AQP4: variants seen among roughly 807,000 people sequenced by gnomAD.
The protein encoded by AQP4 is aquaporin-4.
Under a neutral mutation model 27.8 loss-of-function variants are expected in AQP4, and 18 were observed. The ratio of observed to expected loss-of-function variants is 0.65; its 90% CI spans 0.45 to 0.96. The LOEUF (loss-of-function observed/expected upper bound fraction) is 0.96, where lower values mean the gene tolerates loss of function less well. AQP4 is among the 40% of genes least tolerant of loss of function. The pLI is 0.00. For synonymous variants in AQP4, 141 were observed against 142.9 expected (o/e 0.99, Z 0.10); for missense variants, 412 against 408.2 (o/e 1.01, Z -0.08).
chr18:26,864,744 A>T (rs2055025652), intron 1 of AQP4, among the ~76,000 whole-genome samples: 2 of 152,108 alleles, frequency 1.3e-5, no homozygotes, highest in Non-Finnish European at 2.9e-5. Context: ...GGGGAGAAGG[A>T]GGAGGACAAA....
In AQP4 at chr18:26,861,167, T is replaced by C. The variant is rs2054935078; in HGVS notation, c.576A>G (p.Ala192=). ...GTCCAATTGCAACAGAAAATCCAAT[T>C]GCTAAAGCTATTGAGCCAGTGACAT... is the stretch of plus-strand genomic sequence containing the variant. ...RTDVTGSIAL[A]IGFSVAIGHL... is the part of the protein sequence containing the mutation. The change falls in exon 3 of 5, where the codon GCA becomes GCG. Residue 192 remains alanine (A), a synonymous_variant. Coordinates refer to ENST00000383168, the MANE Select transcript of AQP4 (RefSeq NM_001650.7). The C allele has an allele frequency of 2.5e-6, 4 of 1,614,014 alleles. 1 individual carries two copies. In the South Asian group the frequency reaches 4.4e-5, roughly 18 times the overall value.
intron 1 of AQP4, chr18:26,862,809 C>G (rs901034914): frequency 3.1e-6 from 2 of 638,512 alleles, no homozygotes; most frequent in African/African-American, 3.7e-5. Flanking sequence ...CAAAGATCAT[C>G]CAGTTTCACG....
Position 26,860,831 on chromosome 18 carries a change from T to C in AQP4, c.634A>G (p.Met212Val). 1.2e-6 allele frequency: 2 copies of C among 1,614,108 alleles called. No individual in the cohort carries two copies. Residue 212 changes from methionine to valine, a missense_variant, in exon 4 of 5, where the codon ATG (methionine) becomes GTG (valine). Transcript: ENST00000383168. ...GGTCCAAAGGATCGGGCGGGATTCA[T>C]GCTGGCACCAGTATAATTGATCTAT... is the stretch of plus-strand genomic sequence containing the variant. Reference protein sequence around the residue: ...LFAINYTGASMNPARSFGPAV... With the variant: ...LFAINYTGASVNPARSFGPAV...
chr18:26,857,752 G>T (rs184447110), intron 4 of AQP4, among the ~76,000 whole-genome samples: 214 of 152,328 alleles, frequency 1.4e-3, no homozygotes, highest in African/African-American at 5.0e-3. Context: ...AGACGCACTT[G>T]GGCAACAGAA....
In AQP4 at chr18:26,861,118, C is replaced by A. The variant is rs1460982087; in HGVS notation, c.612+13G>T. The stretch of plus-strand genomic sequence containing the variant: ...AGGTGGGATTGATTATTTAAATGGA[C>A]TTGGAAACTTACTGCAAATAAATGT... On this transcript the variant is annotated intron_variant, in intron 3 of 4. Coordinates refer to ENST00000383168, the MANE Select transcript of AQP4 (RefSeq NM_001650.7). 2 of 1,613,632 alleles carry A rather than the reference C, an allele frequency of 1.2e-6. No homozygotes were observed. The highest frequency in any genetic ancestry group is 2.7e-5 in the African/African-American group (2 of 74,846).
intron 4 of AQP4, among the ~76,000 whole-genome samples, chr18:26,857,234 C>T (rs1209837857): frequency 6.6e-6 from 1 of 152,046 alleles, no homozygotes; most frequent in Admixed American, 6.5e-5. Context: ...CTATGCGGTT[C>T]TCACGATGGC....
intron 1 of AQP4, chr18:26,862,993 G>T (rs2054982559): frequency 2.5e-5 from 3 of 118,456 alleles, no homozygotes; most frequent in East Asian, 2.3e-4. Context: ...AACAAGGTGT[G>T]CGTGGGGGGG....
rs73945976 is a variant in AQP4, at chr18:26,854,566, C to G, written c.*1645G>C. 0.031 allele frequency: 4,727 copies of G among 152,662 alleles called. 97 individuals carry two copies. Among genetic ancestry groups the G allele is most frequent in the South Asian group, 0.098 (473 of 4,818 alleles). 9.5% of individuals were successfully genotyped at this position (152,662 alleles called of 1,614,324 possible). ...TGGTGTGACGACTCTCTGGGAATCT[C>G]ACACATCACTCTTTCCTAGCACCGA... On this transcript the variant is annotated 3_prime_UTR_variant, in exon 5 of 5. Coordinates refer to ENST00000383168, the MANE Select transcript of AQP4 (RefSeq NM_001650.7).
chr18:26,859,936 A>G (rs1406263264), intron 4 of AQP4, among the ~76,000 whole-genome samples: 2 of 152,230 alleles, frequency 1.3e-5, no homozygotes, highest in Non-Finnish European at 2.9e-5. Context: ...GCTGGCTTAC[A>G]GGTCTCATAT....
intron 4 of AQP4, among the ~76,000 whole-genome samples, chr18:26,859,790 T>C (rs2054907216): frequency 6.6e-6 from 1 of 152,214 alleles, no homozygotes; most frequent in South Asian, 2.1e-4. Flanking sequence ...ACACCATAGA[T>C]GAATGGCTGT....
chr18:26,863,994 T>TG (rs56027623), intron 1 of AQP4, among the ~76,000 whole-genome samples: 5,284 of 146,016 alleles, frequency 0.036, 93 homozygotes, highest in African/African-American at 0.057. Flanking sequence ...ATTCCCCTTT[T>TG]GGGGGGGGGG....
intron 1 of AQP4, chr18:26,865,389 A>G (rs2055040890): frequency 7.0e-6 from 4 of 569,612 alleles, no homozygotes; most frequent in South Asian, 6.1e-5. Flanking sequence ...GAAATGTACT[A>G]TAGCTAGATT....
At position 26,855,028 on chromosome 18, in the gene AQP4, C is replaced by G. The variant is rs1272393393; in HGVS notation, c.*1183G>C. 6.6e-6 allele frequency: 1 copy of G among 152,182 alleles called. No homozygotes were observed. Among genetic ancestry groups the G allele is most frequent in the Non-Finnish European group, 1.5e-5 (1 of 68,030 alleles). 9.4% of individuals were successfully genotyped at this position (152,182 alleles called of 1,614,324 possible). A position where few individuals can be genotyped will look rare whatever the true frequency, so the allele number is the denominator to read the frequency against. On this transcript the variant is annotated 3_prime_UTR_variant, in exon 5 of 5. Coordinates refer to ENST00000383168, the MANE Select transcript of AQP4 (RefSeq NM_001650.7). ...AATACAGAGTGATCTGATGTCCTCA[C>G]CCTTTTATTCTGCAACCATGTTGTA...
intron 1 of AQP4, chr18:26,865,322 C>G (rs1210968642): frequency 9.3e-6 from 4 of 431,196 alleles, no homozygotes; most frequent in Non-Finnish European, 1.7e-5. Context: ...TCTAGCTGAA[C>G]ACTCAGCTTC....
At position 26,853,145 on chromosome 18, in the gene AQP4, G is replaced by A. The variant is rs2144938666; in HGVS notation, c.*3066C>T. On this transcript the variant is annotated 3_prime_UTR_variant, in exon 5 of 5. Coordinates refer to ENST00000383168, the MANE Select transcript of AQP4 (RefSeq NM_001650.7). ...CAAAGATTTCTAATCTCCTTGTAAA[G>A]TCTTCAATACTGAGCAGCAGCTCTA... 2.8e-6 allele frequency: 1 copy of A among 360,008 alleles called. No individual in the cohort carries two copies. The highest frequency in any genetic ancestry group is 4.9e-6 in the Non-Finnish European group (1 of 202,264). 22.3% of individuals were successfully genotyped at this position (360,008 alleles called of 1,614,324 possible).
intron 1 of AQP4, among the ~76,000 whole-genome samples, chr18:26,865,017 G>C (rs4800773): frequency 6.6e-6 from 1 of 151,332 alleles, no homozygotes; most frequent in African/African-American, 2.4e-5. Flanking sequence ...ACATAAACAT[G>C]CTCTTTAAGA....
At chr18:26,860,911 C>G (rs1481029405) in intron 3 of AQP4, 59 bp from the exon 4 acceptor site, 1 of 1,527,244 alleles carries the variant, frequency 6.5e-7, no homozygotes, top group African/African-American at 1.4e-5. Context: ...TAGCAAGTAT[C>G]ATTCATTGCA....
rs955922904 is a variant in AQP4 at position 26,853,021 on chromosome 18, A to G, written c.*3190T>C. On this transcript the variant is annotated 3_prime_UTR_variant, in exon 5 of 5. Transcript: ENST00000383168. The stretch of plus-strand genomic sequence containing the variant: ...GTCATTATCGAGTTTAAACCAATAC[A>G]TGTGTTGTCTGGTTTCATGGTCTGA... 1 of 397,008 alleles carries G rather than the reference A, an allele frequency of 2.5e-6. No individual in the cohort carries two copies. Among genetic ancestry groups the G allele is most frequent in the African/African-American group, 2.1e-5 (1 of 48,720 alleles). 24.6% of individuals were successfully genotyped at this position (397,008 alleles called of 1,614,324 possible).
chr18:26,859,929 G>A (rs1348038706), intron 4 of AQP4, among the ~76,000 whole-genome samples: 5 of 152,102 alleles, frequency 3.3e-5, no homozygotes, highest in Non-Finnish European at 5.9e-5. Flanking sequence ...CTTTGAAGCT[G>A]GCTTACAGGT....
Sources: allele counts gnomAD v4.1 joint callset (sites outside exome capture counted in the v4.1 genomes callset), GRCh38; gene constraint gnomAD v4.1.1; transcripts MANE v1.5; gene names NCBI Gene and HGNC (gene_info 2026-07-23, HGNC 2026-07-21).